The following INSL6 variants were observed in gnomAD, a reference collection of about 807,000 sequenced individuals.
The protein encoded by INSL6 is insulin-like peptide INSL6.
In INSL6, 16 loss-of-function variants were observed where a neutral mutation model predicts 9.4. That is an observed-to-expected ratio of 1.70 (90% CI 1.15 to 2.59). INSL6 has a LOEUF of 2.59. Ranked by LOEUF, INSL6 falls within the 30% of genes most tolerant of loss-of-function variation. INSL6 has a pLI of 0.00. For missense variants in INSL6, 391 were observed against 257.3 expected, an observed-to-expected ratio of 1.52 and a Z score of -3.56; for synonymous variants, 154 against 96.9, an observed-to-expected ratio of 1.59 and a Z score of -3.46.
chr9:5,052,450 C>T, the INSL6 span, among the ~76,000 whole-genome samples: 1 of 151,654 alleles, frequency 6.6e-6, no homozygotes, highest in Non-Finnish European at 1.5e-5. Flanking sequence ...AGATATTAAA[C>T]ATTCATATAA....
At chr9:5,131,834 T>C (rs570986294) in intron 3 of INSL6, 3 of 152,318 alleles carry the variant, frequency 2.0e-5, no homozygotes, top group East Asian at 1.9e-4. Context: ...TTGGATTGTA[T>C]TGATTGATAG....
At chr9:5,097,858 C>G in the INSL6 span, 1 of 152,210 alleles carries the variant, frequency 6.6e-6, no homozygotes, top group African/African-American at 2.4e-5. Context: ...TTCCCCCATT[C>G]TCAGGTTATA....
At chr9:5,119,690 G>A (rs1207530993), downstream of INSL6, among the ~76,000 whole-genome samples, 1 of 152,108 alleles carries the variant, frequency 6.6e-6, no homozygotes, top group Non-Finnish European at 1.5e-5. Context: ...ATGTGTTAGG[G>A]GGAGGTATGA....
the INSL6 span, among the ~76,000 whole-genome samples, chr9:5,037,447 G>A: frequency 1.3e-5 from 2 of 152,154 alleles, no homozygotes; most frequent in African/African-American, 4.8e-5. Flanking sequence ...ACAAAGACTT[G>A]GAACCAAGCT....
chr9:5,089,038 A>T, the INSL6 span, among the ~76,000 whole-genome samples: 1 of 152,222 alleles, frequency 6.6e-6, no homozygotes, highest in East Asian at 1.9e-4. Flanking sequence ...TCTTCCTGGA[A>T]GTTAGTGACA....
downstream of INSL6, among the ~76,000 whole-genome samples, chr9:5,122,486 C>A (rs1254060491): frequency 1.3e-5 from 2 of 152,038 alleles, no homozygotes; most frequent in Non-Finnish European, 2.9e-5. Context: ...ATTTTCACTT[C>A]TTAGAAGGTA....
chr9:5,091,871 G>T, the INSL6 span, among the ~76,000 whole-genome samples: 2 of 152,056 alleles, frequency 1.3e-5, no homozygotes, highest in African/African-American at 4.8e-5. Context: ...AAGCTCTATT[G>T]CTAGTAAGAG....
the INSL6 span, chr9:5,050,694 T>C: frequency 1.2e-6 from 2 of 1,611,674 alleles, no homozygotes; most frequent in Non-Finnish European, 1.7e-6. Flanking sequence ...AGTGGCGGCA[T>C]GATTTTGTGC....
At chr9:5,111,134 T>C in the INSL6 span, 14 of 1,041,200 alleles carry the variant, frequency 1.3e-5, no homozygotes, top group Non-Finnish European at 1.7e-5. Flanking sequence ...AGCTGGACGT[T>C]CAGCGAAGGC....
the INSL6 span, among the ~76,000 whole-genome samples, chr9:5,037,794 C>G: frequency 9.8e-4 from 149 of 152,234 alleles, no homozygotes; most frequent in African/African-American, 3.4e-3. Context: ...CAACATGGCA[C>G]ATGTATACAT....
At chr9:5,178,897 C>G (rs1222113423) in intron 1 of INSL6, among the ~76,000 whole-genome samples, 1 of 152,026 alleles carries the variant, frequency 6.6e-6, no homozygotes, top group Non-Finnish European at 1.5e-5. Context: ...AAACCCAAAA[C>G]CATAAAAACC....
At chr9:5,114,137 C>T in the INSL6 span, 39 of 377,758 alleles carry the variant, frequency 1.0e-4, no homozygotes, top group African/African-American at 7.5e-4. Context: ...ATCAAGGTAA[C>T]ACCTTTGAGG....
At chr9:5,022,976 G>T in the INSL6 span, among the ~76,000 whole-genome samples, 66 of 152,276 alleles carry the variant, frequency 4.3e-4, no homozygotes, top group African/African-American at 1.4e-3. Flanking sequence ...ATCAGTATAG[G>T]TCAGAATAAC....
At chr9:5,007,561 T>C in the INSL6 span, among the ~76,000 whole-genome samples, 6 of 152,136 alleles carry the variant, frequency 3.9e-5, no homozygotes, top group Non-Finnish European at 5.9e-5. Flanking sequence ...TTATAAAATA[T>C]TAAGTAATCA....
intron 2 of INSL6, among the ~76,000 whole-genome samples, chr9:5,157,138 T>G (rs776981603): frequency 1.3e-5 from 2 of 152,160 alleles, no homozygotes; most frequent in African/African-American, 2.4e-5. Context: ...GGAAAATATA[T>G]AATACCATGT....
chr9:5,174,862 C>T (rs964870880), intron 1 of INSL6, among the ~76,000 whole-genome samples: 2 of 152,182 alleles, frequency 1.3e-5, no homozygotes, highest in Non-Finnish European at 2.9e-5. Context: ...CGAGGCCTTT[C>T]CTATCTCATT....
chr9:4,999,655 T>A, the INSL6 span, among the ~76,000 whole-genome samples: 1 of 152,042 alleles, frequency 6.6e-6, no homozygotes, highest in East Asian at 1.9e-4. Context: ...GAACTTGGAG[T>A]CTGATGTTCA....
At chr9:5,059,974 G>C in the INSL6 span, among the ~76,000 whole-genome samples, 38 of 152,146 alleles carry the variant, frequency 2.5e-4, no homozygotes, top group African/African-American at 8.7e-4. Flanking sequence ...ATAGACATAC[G>C]TCAGAGATAT....
the INSL6 span, chr9:5,112,880 CCCTCAGCCCCGTG>C: frequency 2.4e-6 from 1 of 413,824 alleles, no homozygotes; most frequent in Non-Finnish European, 4.0e-6. Context: ...GAGCCACCCG[CCCTCAGCCCCGTG>C]GGCTGGGCCC....
Sources: allele counts gnomAD v4.1 joint callset (sites outside exome capture counted in the v4.1 genomes callset), GRCh38; gene constraint gnomAD v4.1.1; transcripts MANE v1.5; gene names NCBI Gene and HGNC (gene_info 2026-07-23, HGNC 2026-07-21).